The following ADCY2 variants were observed in gnomAD, a reference collection of about 807,000 sequenced individuals.
ADCY2 encodes the protein adenylate cyclase 2.
A neutral mutation model predicts 125.2 loss-of-function variants in ADCY2; 31 were observed. The ratio of observed to expected loss-of-function variants is 0.25; its 90% CI spans 0.19 to 0.33. The LOEUF (loss-of-function observed/expected upper bound fraction) is 0.33, where lower values mean the gene tolerates loss of function less well. ADCY2 is among the 10% of genes least tolerant of loss of function. The probability of loss-of-function intolerance (pLI) is 1.00; values close to 1 mark genes in which losing one functional copy is unlikely to be tolerated. For synonymous variants in ADCY2, 512 were observed against 548.4 expected (o/e 0.93, Z 0.93); for missense variants, 904 against 1,418.2 (o/e 0.64, Z 5.82).
intron 2 of ADCY2, among the ~76,000 whole-genome samples, chr5:7,449,336 C>G (rs923848942): frequency 6.6e-6 from 1 of 152,134 alleles, no homozygotes; most frequent in African/African-American, 2.4e-5. Context: ...GACTGAGAAA[C>G]AAAAACATGA....
intron 11 of ADCY2, among the ~76,000 whole-genome samples, chr5:7,713,642 A>G (rs1382378048): frequency 1.3e-5 from 2 of 152,186 alleles, no homozygotes; most frequent in African/African-American, 4.8e-5. Context: ...ATGTCTCCAC[A>G]CGCCCTGTCG....
chr5:7,632,893 G>A (rs1200497308), intron 4 of ADCY2, among the ~76,000 whole-genome samples: 1 of 152,140 alleles, frequency 6.6e-6, no homozygotes, highest in East Asian at 1.9e-4. Context: ...AAGTCCTTTA[G>A]TTAGAATGGT....
Position 7,811,229 on chromosome 5 carries a change from G to A in ADCY2, c.2884-5637G>A, listed in dbSNP as rs183209045. Among the ~76,000 whole-genome samples the A allele has an allele frequency of 1.7e-3, 259 of 152,270 alleles. 1 individual carries two copies. The highest frequency in any genetic ancestry group is 3.3e-3 in the Admixed American group (50 of 15,292). Reference sequence around the variant, plus strand: ...ATTCTTAAAAACATCTGGGCCGGGCGCAGTGGCTCACGCCTGTAATCCCAG... The same window carrying A: ...ATTCTTAAAAACATCTGGGCCGGGCACAGTGGCTCACGCCTGTAATCCCAG... On this transcript the variant is annotated intron_variant, in intron 22 of 24. Coordinates refer to ENST00000338316, the MANE Select transcript of ADCY2 (RefSeq NM_020546.3).
intron 5 of ADCY2, chr5:7,691,059 T>C: frequency 2.4e-6 from 1 of 416,322 alleles, no homozygotes; most frequent in Middle Eastern, 6.6e-4. Flanking sequence ...CTGTGTTGGA[T>C]TGAGTTGTCC....
chr5:7,446,350 A>G (rs1363032763), intron 2 of ADCY2, among the ~76,000 whole-genome samples: 1 of 152,130 alleles, frequency 6.6e-6, no homozygotes, highest in Non-Finnish European at 1.5e-5. Flanking sequence ...AATAATTTTT[A>G]TTCTAAATTT....
intron 3 of ADCY2, among the ~76,000 whole-genome samples, chr5:7,544,987 C>G (rs1243532374): frequency 6.6e-6 from 1 of 152,214 alleles, no homozygotes; most frequent in Non-Finnish European, 1.5e-5. Context: ...CATGAAGCAG[C>G]TGGCTTCCTC....
In ADCY2 at chr5:7,789,577, A is replaced by G. The variant is rs1744191543; in HGVS notation, c.2470-65A>G. 3.4e-6 allele frequency: 5 copies of G among 1,490,024 alleles called. No individual in the cohort carries two copies. The East Asian group carries it at 1.2e-4, about 35-fold the overall frequency. The allele number at this position is 1,490,024 out of a possible 1,614,324, so 92.3% of individuals were successfully genotyped here. ...TTTGTTCTTTTTGTTTTCTCTTTAA[A>G]ACCTCCACTCTCTGGCAGGACAAGA... On this transcript the variant is annotated intron_variant, in intron 19 of 24. Coordinates refer to ENST00000338316, the MANE Select transcript of ADCY2 (RefSeq NM_020546.3).
intron 2 of ADCY2, among the ~76,000 whole-genome samples, chr5:7,464,516 A>G (rs1241018868): frequency 2.6e-5 from 4 of 152,260 alleles, no homozygotes; most frequent in Admixed American, 2.0e-4. Context: ...TTGTGAGATA[A>G]CCATTGCAGT....
chr5:7,761,156 T>C (rs1469382059), intron 16 of ADCY2, among the ~76,000 whole-genome samples: 1 of 132,250 alleles, frequency 7.6e-6, no homozygotes, highest in African/African-American at 2.9e-5. Flanking sequence ...TTCTTTTTTT[T>C]TTTTTTTTTT....
chr5:7,770,537 A>G (rs1438893695), intron 17 of ADCY2, among the ~76,000 whole-genome samples: 2 of 152,250 alleles, frequency 1.3e-5, no homozygotes, highest in African/African-American at 4.8e-5. Context: ...CAAGCTTCTC[A>G]TGGACTAGGC....
At chr5:7,712,778 T>C in intron 10 of ADCY2, 78 bp from the exon 11 acceptor site, 2 of 982,114 alleles carry the variant, frequency 2.0e-6, no homozygotes, top group Non-Finnish European at 3.2e-6. Context: ...AAAGAGGAAA[T>C]ATGTTTCACC....
At chr5:7,714,371 T>C (rs1741533066) in intron 11 of ADCY2, among the ~76,000 whole-genome samples, 2 of 152,234 alleles carry the variant, frequency 1.3e-5, no homozygotes, top group African/African-American at 4.8e-5. Flanking sequence ...TAATGTGTCA[T>C]GGAACCCCAG....
At chr5:7,504,512 G>A (rs921094953) in intron 2 of ADCY2, among the ~76,000 whole-genome samples, 12 of 152,136 alleles carry the variant, frequency 7.9e-5, no homozygotes, top group African/African-American at 2.9e-4. Flanking sequence ...TTAGGTAATA[G>A]TAAAGTCATT....
intron 2 of ADCY2, among the ~76,000 whole-genome samples, chr5:7,475,166 C>G (rs183337293): frequency 2.3e-3 from 356 of 152,236 alleles, no homozygotes; most frequent in Non-Finnish European, 3.9e-3. Context: ...AGGTGAAGTG[C>G]GGAGAGTGGA....
chr5:7,787,162 C>T (rs1181749640), intron 19 of ADCY2, among the ~76,000 whole-genome samples: 4 of 152,168 alleles, frequency 2.6e-5, no homozygotes, highest in Admixed American at 6.5e-5. Context: ...GGGAGGCTCT[C>T]GAAGCTGAGG....
chr5:7,513,106 C>CACACACACACACACACACAG (rs777343291), intron 2 of ADCY2, among the ~76,000 whole-genome samples: 5,288 of 138,118 alleles, frequency 0.038, 171 homozygotes, highest in Non-Finnish European at 0.062. Context: ...CACACACACA[C>CACACACACACACACACACAG]AGAGAGAGAG....
At position 7,802,404 on chromosome 5, in the gene ADCY2, T is replaced by G. The variant is rs908324239; in HGVS notation, c.2775+40T>G. The G allele has an allele frequency of 2.2e-5, 36 of 1,605,152 alleles. 1 individual carries two copies. In the Admixed American group the frequency reaches 4.5e-4, roughly 20 times the overall value. ...TTGCCCTCGAAGGGCAGCAGTACAC[T>G]CAGTCTCACACCTGTGCACTTGAAG... On this transcript the variant is annotated intron_variant, in intron 21 of 24. Coordinates refer to ENST00000338316, the MANE Select transcript of ADCY2 (RefSeq NM_020546.3). This position sits in a 1 kb window ranked among gnomAD's most constrained non-coding sequence, Gnocchi z 4.6.
chr5:7,606,023 G>C (rs991583583), intron 3 of ADCY2, among the ~76,000 whole-genome samples: 11 of 144,542 alleles, frequency 7.6e-5, no homozygotes, highest in Middle Eastern at 3.4e-3. Context: ...TAGCATGAAG[G>C]GTTGTTGAAT....
chr5:7,652,755 G>A (rs1739142026), intron 4 of ADCY2, among the ~76,000 whole-genome samples: 1 of 152,210 alleles, frequency 6.6e-6, no homozygotes, highest in Admixed American at 6.5e-5. Flanking sequence ...ACAACCTGGT[G>A]ATGCTGGGCA....
Sources: allele counts gnomAD v4.1 joint callset (sites outside exome capture counted in the v4.1 genomes callset), GRCh38; gene constraint gnomAD v4.1.1; non-coding constraint Gnocchi (gnomAD v3.1); transcripts MANE v1.5; gene names NCBI Gene and HGNC (gene_info 2026-07-23, HGNC 2026-07-21).